Variants in DNAJC12 observed in about 807,000 individuals in gnomAD.
DNAJC12 encodes the protein dnaJ homolog subfamily C member 12.
Under a neutral mutation model 28.5 loss-of-function variants are expected in DNAJC12, and 25 were observed. The observed-to-expected ratio is 0.88, with a 90% CI of 0.64 to 1.22. DNAJC12 has a LOEUF of 1.22. Ranked by LOEUF, DNAJC12 falls within the 50% of genes most tolerant of loss-of-function variation. The probability of loss-of-function intolerance (pLI) is 0.00; values close to 1 mark genes in which losing one functional copy is unlikely to be tolerated. For missense variants in DNAJC12, 222 were observed against 231.7 expected (o/e 0.96, Z 0.27); for synonymous variants, 77 against 80.6 (o/e 0.95, Z 0.24).
intron 4 of DNAJC12, among the ~76,000 whole-genome samples, chr10:67,804,916 C>T (rs1374122412): frequency 6.6e-6 from 1 of 152,120 alleles, no homozygotes; most frequent in Non-Finnish European, 1.5e-5. Context: ...CCTGTAGTCC[C>T]AGCTACTGGG....
intron 1 of DNAJC12, among the ~76,000 whole-genome samples, chr10:67,828,218 G>A (rs971504155): frequency 6.6e-6 from 1 of 152,108 alleles, no homozygotes; most frequent in African/African-American, 2.4e-5. Flanking sequence ...CTGCTGGCGA[G>A]GATGTAAATA....
intron 2 of DNAJC12, among the ~76,000 whole-genome samples, chr10:67,813,591 T>TAA (rs1841884029): frequency 8.5e-6 from 1 of 117,304 alleles, no homozygotes; most frequent in Admixed American, 9.0e-5. Flanking sequence ...CTACTAAAAA[T>TAA]ACAAAAAAAA....
In DNAJC12 at chr10:67,832,059, AG is replaced by A. The variant is rs555946456; in HGVS notation, c.78+5874del. Among the ~76,000 whole-genome samples, 256 of 152,326 alleles carry A rather than the reference AG, an allele frequency of 1.7e-3. 2 individuals carry two copies. The highest frequency in any genetic ancestry group is 6.0e-3 in the African/African-American group (248 of 41,576). On this transcript the variant is annotated intron_variant, in intron 1 of 4. Transcript: ENST00000225171. ...GGTGGGCAGATCACCTGAGGTCAGG[AG>A]TCTGAGACCGGCCTGACCAACATGG...
chr10:67,797,825 G>A (rs1051291246), intron 4 of DNAJC12, among the ~76,000 whole-genome samples: 2 of 152,122 alleles, frequency 1.3e-5, no homozygotes, highest in Non-Finnish European at 2.9e-5. Context: ...CGGATCACGA[G>A]GTCAGGAGAT....
At chr10:67,815,902 A>G (rs951313188) in intron 2 of DNAJC12, 6 of 393,276 alleles carry the variant, frequency 1.5e-5, no homozygotes, top group African/African-American at 8.2e-5. Flanking sequence ...GAAAGAAAAA[A>G]GAAACCTTAT....
At chr10:67,837,475 T>G (rs1307248569) in intron 1 of DNAJC12, among the ~76,000 whole-genome samples, 1 of 152,158 alleles carries the variant, frequency 6.6e-6, no homozygotes, top group African/African-American at 2.4e-5. Context: ...GGGATGCTTC[T>G]TTGTTTCTAT....
intron 1 of DNAJC12, among the ~76,000 whole-genome samples, chr10:67,832,864 AG>A (rs1167864854): frequency 6.6e-6 from 1 of 152,206 alleles, no homozygotes; most frequent in Non-Finnish European, 1.5e-5. Flanking sequence ...ACCTTAACGA[AG>A]TGCTCAAGGT....
At chr10:67,802,939 A>C (rs1841761456) in intron 4 of DNAJC12, among the ~76,000 whole-genome samples, 1 of 149,814 alleles carries the variant, frequency 6.7e-6, no homozygotes, top group Non-Finnish European at 1.5e-5. Flanking sequence ...CAGCCTCAAC[A>C]TCCCCCCCCA....
At chr10:67,828,237 C>T (rs1842056078) in intron 1 of DNAJC12, among the ~76,000 whole-genome samples, 2 of 151,964 alleles carry the variant, frequency 1.3e-5, no homozygotes, top group Non-Finnish European at 2.9e-5. Flanking sequence ...TAGGTATAGA[C>T]TTTCTTGAAA....
At chr10:67,823,168 CCTTT>C in intron 2 of DNAJC12, 142 bp downstream of exon 2, 1 of 653,572 alleles carries the variant, frequency 1.5e-6, no homozygotes, top group Admixed American at 2.9e-5. Context: ...CAGCCCTCTC[CCTTT>C]CTATCATCCA....
chr10:67,817,051 T>G (rs975550430), intron 2 of DNAJC12, among the ~76,000 whole-genome samples: 1 of 151,986 alleles, frequency 6.6e-6, no homozygotes, highest in African/African-American at 2.4e-5. Flanking sequence ...ATTTACTTTT[T>G]TTTTTTTCAG....
chr10:67,835,449 T>C (rs1457250216), intron 1 of DNAJC12, among the ~76,000 whole-genome samples: 1 of 152,132 alleles, frequency 6.6e-6, no homozygotes, highest in African/African-American at 2.4e-5. Context: ...CCCAGTATTT[T>C]AGGAGGCCGA....
At chr10:67,827,453 A>C (rs1564866243) in intron 1 of DNAJC12, 1 of 151,854 alleles carries the variant, frequency 6.6e-6, no homozygotes, top group Non-Finnish European at 1.5e-5. Flanking sequence ...TTGGGAGGCC[A>C]AGGTAGGTGG....
intron 1 of DNAJC12, among the ~76,000 whole-genome samples, chr10:67,834,864 G>A (rs1368468560): frequency 6.6e-6 from 1 of 152,020 alleles, no homozygotes; most frequent in East Asian, 1.9e-4. Context: ...TAGGGAGAAA[G>A]GCTAACTGTC....
At chr10:67,815,885 A>G (rs1425434874) in intron 2 of DNAJC12, among the ~76,000 whole-genome samples, 1 of 152,242 alleles carries the variant, frequency 6.6e-6, no homozygotes, top group Non-Finnish European at 1.5e-5. Flanking sequence ...ACAACAGTTG[A>G]TAAGCAGAAA....
At chr10:67,797,966 G>A (rs962747616) in intron 4 of DNAJC12, among the ~76,000 whole-genome samples, 17 of 151,436 alleles carry the variant, frequency 1.1e-4, no homozygotes, top group Non-Finnish European at 1.8e-4. Flanking sequence ...CGTGAACCCG[G>A]CATGCGGAGG....
chr10:67,815,599 T>C (rs1841908121), intron 2 of DNAJC12, among the ~76,000 whole-genome samples: 1 of 151,104 alleles, frequency 6.6e-6, no homozygotes, highest in Non-Finnish European at 1.5e-5. Flanking sequence ...TATCTTGCCA[T>C]AGCAGCTTGG....
At chr10:67,824,735 T>TATTC (rs1404684327) in intron 1 of DNAJC12, among the ~76,000 whole-genome samples, 1 of 151,918 alleles carries the variant, frequency 6.6e-6, no homozygotes, top group African/African-American at 2.4e-5. Flanking sequence ...TTTATTTATT[T>TATTC]ATTTATTTTT....
Position 67,815,825 on chromosome 10 carries a change from T to C in DNAJC12, c.158-4162A>G, listed in dbSNP as rs143941257. Among the ~76,000 whole-genome samples, 1,266 of 152,348 alleles carry C rather than the reference T, an allele frequency of 8.3e-3. 10 individuals are homozygous for C. Among genetic ancestry groups the C allele is most frequent in the Middle Eastern group, 0.02 (6 of 294 alleles). On this transcript the variant is annotated intron_variant, in intron 2 of 4. Coordinates refer to ENST00000225171, the MANE Select transcript of DNAJC12 (RefSeq NM_021800.3). ...TCATTGTTGGCTTCGCTTTCTAGAA[T>C]TCCCAGAATGAAAGAAGCTGCTTAG... is the stretch of plus-strand genomic sequence containing the variant.
Sources: gnomAD v4.1 joint callset for allele counts (sites outside exome capture counted in the v4.1 genomes callset) on GRCh38, gnomAD v4.1.1 for gene constraint, MANE v1.5 for transcripts, NCBI Gene and HGNC (gene_info 2026-07-23, HGNC 2026-07-21) for gene names.